ANO4: variants seen among roughly 807,000 people sequenced by gnomAD.
The protein encoded by ANO4 is anoctamin-4.
Under a neutral mutation model 141.9 loss-of-function variants are expected in ANO4, and 69 were observed. That is an observed-to-expected ratio of 0.49 (90% CI 0.40 to 0.59). The LOEUF (loss-of-function observed/expected upper bound fraction) is 0.59, where lower values mean the gene tolerates loss of function less well. ANO4 is among the 20% of genes least tolerant of loss of function. The pLI is 0.00. For missense variants in ANO4, 894 were observed against 1,162.2 expected (o/e 0.77, Z 3.36); for synonymous variants, 350 against 394.3 (o/e 0.89, Z 1.33).
In ANO4 at chr12:100,841,516, G is replaced by A. The variant is rs1226180596; in HGVS notation, c.-141+46489G>A. Among the ~76,000 whole-genome samples the A allele has an allele frequency of 3.9e-5, 6 of 152,224 alleles. No homozygotes were observed. The East Asian group carries it at 7.7e-4, about 20-fold the overall frequency. On this transcript the variant is annotated intron_variant, in intron 1 of 27. Coordinates refer to ENST00000392977, the MANE Select transcript of ANO4 (RefSeq NM_001286615.2). Reference sequence around the variant, plus strand: ...TACAAAGAAAGATGAAGCTGGGTGAGGAGATATAGAATAATGAATAGGGGG... The same window carrying A: ...TACAAAGAAAGATGAAGCTGGGTGAAGAGATATAGAATAATGAATAGGGGG...
chr12:100,856,492 C>T (rs1359944959), intron 1 of ANO4, among the ~76,000 whole-genome samples: 2 of 152,002 alleles, frequency 1.3e-5, no homozygotes, highest in Non-Finnish European at 2.9e-5. Flanking sequence ...CTTCTGTAGC[C>T]AGCTGGGGGA....
At chr12:101,078,678 A>G (rs772074942) in intron 14 of ANO4, among the ~76,000 whole-genome samples, 9 of 152,218 alleles carry the variant, frequency 5.9e-5, no homozygotes, top group South Asian at 2.1e-4. Context: ...TATATTTTAC[A>G]TAGGTATTTG....
At chr12:101,080,883 T>TATTA (rs1491584060) in intron 15 of ANO4, among the ~76,000 whole-genome samples, 1,376 of 74,042 alleles carry the variant, frequency 0.019, 44 homozygotes, top group African/African-American at 0.049. Flanking sequence ...TATATATATA[T>TATTA]TATATATATA....
intron 9 of ANO4, among the ~76,000 whole-genome samples, chr12:101,035,344 GA>G (rs1207510299): frequency 6.6e-6 from 1 of 152,178 alleles, no homozygotes; most frequent in East Asian, 1.9e-4. Flanking sequence ...GATAGTGACA[GA>G]AAGCAGATCA....
At chr12:101,024,450 G>A (rs2046652340) in intron 9 of ANO4, among the ~76,000 whole-genome samples, 1 of 152,072 alleles carries the variant, frequency 6.6e-6, no homozygotes, top group Admixed American at 6.6e-5. Flanking sequence ...ACAAAAATTA[G>A]CTGAGCATGG....
chr12:100,922,413 A>C, intron 3 of ANO4, 83 bp downstream of exon 3: 1 of 892,164 alleles, frequency 1.1e-6, no homozygotes, highest in Non-Finnish European at 1.6e-6. Context: ...TAGAAACCTT[A>C]GATGTCAAGC....
chr12:100,983,988 G>A (rs2044598032), intron 7 of ANO4, among the ~76,000 whole-genome samples: 1 of 152,166 alleles, frequency 6.6e-6, no homozygotes, highest in African/African-American at 2.4e-5. Context: ...GCACAGCCGT[G>A]TGTAATGGAA....
intron 5 of ANO4, among the ~76,000 whole-genome samples, chr12:100,943,349 C>T (rs1030523086): frequency 1.3e-5 from 1 of 76,990 alleles, no homozygotes; most frequent in Non-Finnish European, 3.1e-5. Context: ...TTCTGTTCCT[C>T]AAGGCTGAGG....
chr12:100,788,181 A>G (rs762391981), intron 3 of ANO4, among the ~76,000 whole-genome samples: 1 of 152,162 alleles, frequency 6.6e-6, no homozygotes, highest in Non-Finnish European at 1.5e-5. Context: ...GGGAGGAAAG[A>G]AAAGTTGCCT....
At chr12:100,806,523 CGTTTTTTTTTTTTTTTTTTTTTTT>C (rs2035044655) in intron 1 of ANO4, among the ~76,000 whole-genome samples, 1 of 44,956 alleles carries the variant, frequency 2.2e-5, no homozygotes, top group Non-Finnish European at 4.4e-5. Context: ...TTTTTTGTTT[CGTTTTTTTTTTTTTTTTTTTTTTT>C]TTTTTTTTTT....
intron 1 of ANO4, among the ~76,000 whole-genome samples, chr12:100,848,346 C>T (rs916505248): frequency 6.6e-6 from 1 of 151,924 alleles, no homozygotes; most frequent in African/African-American, 2.4e-5. Flanking sequence ...GTATTTTGAG[C>T]CTTGAGGTGT....
chr12:100,884,142 T>G (rs1039579606), intron 1 of ANO4, among the ~76,000 whole-genome samples: 1 of 152,208 alleles, frequency 6.6e-6, no homozygotes, highest in African/African-American at 2.4e-5. Context: ...GTTGTTTCTG[T>G]TTTTCAAACA....
intron 1 of ANO4, among the ~76,000 whole-genome samples, chr12:100,815,753 ATGTG>A (rs71691565): frequency 6.6e-6 from 1 of 150,544 alleles, no homozygotes; most frequent in African/African-American, 2.4e-5. Flanking sequence ...TTACATATAT[ATGTG>A]TGTGTGTGTG....
intron 1 of ANO4, among the ~76,000 whole-genome samples, chr12:100,843,123 G>A (rs1003422835): frequency 1.3e-5 from 2 of 152,056 alleles, no homozygotes; most frequent in Non-Finnish European, 2.9e-5. Flanking sequence ...CTGGGTTCAA[G>A]TCCAACACCA....
At chr12:100,929,928 C>G (rs765432900) in intron 3 of ANO4, among the ~76,000 whole-genome samples, 5 of 152,088 alleles carry the variant, frequency 3.3e-5, no homozygotes, top group Non-Finnish European at 7.4e-5. Context: ...CTCTGATGAT[C>G]AGTGGTGTTG....
rs376931366 is a variant in ANO4, at chr12:100,742,170, A to G, written c.358+2065A>G. ...ACAAAGTAAGCCTGGACATCCAAAT[A>G]TATACTACACAAGCATGTGATAATC... On this transcript the variant is annotated intron_variant, in intron 3 of 29. Coordinates refer to the ANO4 transcript ENST00000644049. 6.8e-4 allele frequency among the ~76,000 whole-genome samples: 103 copies of G among 152,290 alleles called. 4 individuals are homozygous for G. The South Asian group carries it at 7.9e-3, about 12-fold the overall frequency.
intron 7 of ANO4, among the ~76,000 whole-genome samples, chr12:100,986,866 A>T (rs1020676720): frequency 6.6e-6 from 1 of 152,190 alleles, no homozygotes; most frequent in African/African-American, 2.4e-5. Flanking sequence ...AGAAAACTGT[A>T]GCTGAAAACC....
intron 1 of ANO4, among the ~76,000 whole-genome samples, chr12:100,846,793 A>G (rs1166558945): frequency 1.3e-5 from 2 of 152,162 alleles, no homozygotes; most frequent in Non-Finnish European, 2.9e-5. Context: ...TTGCCAACCC[A>G]TAATGATTTT....
intron 9 of ANO4, among the ~76,000 whole-genome samples, chr12:101,034,607 A>C (rs1242519635): frequency 3.6e-3 from 1 of 274 alleles, no homozygotes; most frequent in African/African-American, 0.02. Flanking sequence ...CCAAAACTTA[A>C]ATACATAAAT....
Sources: allele counts gnomAD v4.1 joint callset (sites outside exome capture counted in the v4.1 genomes callset), GRCh38; gene constraint gnomAD v4.1.1; transcripts MANE v1.5; gene names NCBI Gene and HGNC (gene_info 2026-07-23, HGNC 2026-07-21).